SND1: variants seen among roughly 807,000 people sequenced by gnomAD.
SND1 encodes the protein staphylococcal nuclease domain-containing protein 1.
In SND1, 38 loss-of-function variants were observed where a neutral mutation model predicts 121.7. The ratio of observed to expected loss-of-function variants is 0.31; its 90% confidence interval spans 0.24 to 0.41. SND1 has a LOEUF of 0.41. Ranked by LOEUF, SND1 falls within the 10% of genes least tolerant of loss-of-function variation. The probability of loss-of-function intolerance (pLI) is 1.00; values close to 1 mark genes in which losing one functional copy is unlikely to be tolerated. For missense variants in SND1, 868 were observed against 1,184.6 expected (o/e 0.73, Z 3.92); for synonymous variants, 401 against 447.4 (o/e 0.90, Z 1.31).
chr7:127,852,268 G>A (rs578226950), intron 12 of SND1, among the ~76,000 whole-genome samples: 3 of 152,044 alleles, frequency 2.0e-5, no homozygotes, highest in African/African-American at 7.2e-5. Flanking sequence ...GCTGAGGCAG[G>A]CAGATCATTT....
intron 16 of SND1, among the ~76,000 whole-genome samples, chr7:128,068,905 G>A (rs1365718558): frequency 6.6e-6 from 1 of 152,240 alleles, no homozygotes; most frequent in Admixed American, 6.5e-5. Context: ...ATATTAATGT[G>A]CTTGGGAGCA....
chr7:127,833,280 T>TA (rs59376761), intron 11 of SND1, among the ~76,000 whole-genome samples: 1 of 149,054 alleles, frequency 6.7e-6, no homozygotes, highest in Non-Finnish European at 1.5e-5. Context: ...TTTTTTTTTT[T>TA]AATGAGATGG....
intron 9 of SND1, among the ~76,000 whole-genome samples, chr7:127,709,557 G>C (rs2116359900): frequency 6.6e-6 from 1 of 152,300 alleles, no homozygotes; most frequent in East Asian, 1.9e-4. Context: ...AGATTATTGA[G>C]CTTTGCATTT....
intron 14 of SND1, among the ~76,000 whole-genome samples, chr7:127,921,936 A>G (rs1800715225): frequency 6.6e-6 from 1 of 152,026 alleles, no homozygotes; most frequent in African/African-American, 2.4e-5. Context: ...GTTATTTCCA[A>G]TTTTAGTGAT....
chr7:127,978,994 T>TG (rs2116898139), intron 15 of SND1, among the ~76,000 whole-genome samples: 1 of 151,522 alleles, frequency 6.6e-6, no homozygotes, highest in African/African-American at 2.4e-5. Context: ...GCCGCCTGTA[T>TG]TTTTTTTTAA....
At chr7:127,860,968 TA>T (rs1326308382) in intron 12 of SND1, among the ~76,000 whole-genome samples, 2 of 152,348 alleles carry the variant, frequency 1.3e-5, no homozygotes, top group East Asian at 3.9e-4. Context: ...ATGAAATTAA[TA>T]ATGTGTATTT....
intron 16 of SND1, among the ~76,000 whole-genome samples, chr7:128,069,678 C>T (rs903120261): frequency 6.6e-6 from 1 of 152,214 alleles, no homozygotes; most frequent in African/African-American, 2.4e-5. Context: ...CATTTATGTG[C>T]TAAGCACTTT....
intron 11 of SND1, among the ~76,000 whole-genome samples, chr7:127,826,678 C>T (rs751552912): frequency 3.3e-5 from 5 of 152,076 alleles, no homozygotes; most frequent in Non-Finnish European, 7.4e-5. Flanking sequence ...ATCTTAAATA[C>T]CATTTAGCCT....
At chr7:128,074,887 G>A (rs1353908259) in intron 17 of SND1, among the ~76,000 whole-genome samples, 197 bp downstream of exon 17, 1 of 152,202 alleles carries the variant, frequency 6.6e-6, no homozygotes, top group Non-Finnish European at 1.5e-5. Flanking sequence ...GCCACAGCCT[G>A]TTGCAGACCT....
At chr7:127,679,664 A>G (rs1053962377) in intron 1 of SND1, among the ~76,000 whole-genome samples, 3 of 152,184 alleles carry the variant, frequency 2.0e-5, no homozygotes, top group African/African-American at 7.2e-5. Flanking sequence ...TGCACATTTC[A>G]TATAATGGGA....
chr7:128,033,084 G>A (rs1416161003), intron 16 of SND1, among the ~76,000 whole-genome samples: 1 of 152,204 alleles, frequency 6.6e-6, no homozygotes, highest in Admixed American at 6.5e-5. Context: ...AAGGGAGGCG[G>A]GCGGCTGAGC....
chr7:127,823,138 A>G lies in SND1; in HGVS notation c.1242+15565A>G, dbSNP rs1002712203. 5.7e-4 allele frequency among the ~76,000 whole-genome samples: 87 copies of G among 152,336 alleles called. 1 individual carries two copies. The highest frequency in any genetic ancestry group is 1.8e-3 in the African/African-American group (76 of 41,578). ...GAGTGAGAGACAGAAGGGGATGAGC[A>G]AAGTGAGCAGTGTGGTTGGGGGAGA... On this transcript the variant is annotated intron_variant, in intron 11 of 23. Coordinates refer to ENST00000354725, the MANE Select transcript of SND1 (RefSeq NM_014390.4).
intron 11 of SND1, among the ~76,000 whole-genome samples, chr7:127,832,973 G>A (rs750745579): frequency 1.5e-4 from 23 of 152,142 alleles, no homozygotes; most frequent in Non-Finnish European, 2.6e-4. Flanking sequence ...GTTTCATCCC[G>A]AAATCATCCT....
intron 15 of SND1, among the ~76,000 whole-genome samples, chr7:127,989,062 C>T (rs1196572608): frequency 6.6e-6 from 1 of 152,222 alleles, no homozygotes; most frequent in Admixed American, 6.5e-5. Context: ...CCATTTTTCT[C>T]TAGCCTCATC....
At chr7:127,705,021 T>TCA in intron 8 of SND1, 76 bp downstream of exon 8, 2 of 1,193,440 alleles carry the variant, frequency 1.7e-6, no homozygotes, top group Non-Finnish European at 2.5e-6. Context: ...GGTGATTTGC[T>TCA]CACACCCCTG....
At chr7:127,904,567 AT>A (rs1265369742) in intron 13 of SND1, 179 bp from the exon 14 acceptor site, 4 of 451,694 alleles carry the variant, frequency 8.9e-6, no homozygotes, top group Non-Finnish European at 1.6e-5. Flanking sequence ...GAGCAGCTTT[AT>A]AATCCCCCCT....
intron 13 of SND1, among the ~76,000 whole-genome samples, chr7:127,897,387 T>C (rs529584904): frequency 2.0e-5 from 3 of 152,308 alleles, no homozygotes; most frequent in African/African-American, 7.2e-5. Flanking sequence ...GATGTGTTTG[T>C]GTTATGTAAC....
intron 16 of SND1, among the ~76,000 whole-genome samples, chr7:127,995,633 G>A (rs188119378): frequency 3.0e-3 from 451 of 152,182 alleles, no homozygotes; most frequent in Non-Finnish European, 5.3e-3. Flanking sequence ...TCCTTTTTGC[G>A]GCCCTTGTTC....
rs147268332 is a variant in SND1, at chr7:127,871,802, C to T, written c.1344-16100C>T. Among the ~76,000 whole-genome samples, 459 of 152,220 alleles carry T rather than the reference C, an allele frequency of 3.0e-3. 1 individual carries two copies. Among genetic ancestry groups the T allele is most frequent in the Non-Finnish European group, 5.4e-3 (368 of 67,996 alleles). Reference sequence around the variant, plus strand: ...AGTGTGAATCTACATTGAACATGCACTACGTGACTATTAATAAGTAGATCC... The same window carrying T: ...AGTGTGAATCTACATTGAACATGCATTACGTGACTATTAATAAGTAGATCC... On this transcript the variant is annotated intron_variant, in intron 12 of 23. Transcript: ENST00000354725.
Sources: gnomAD v4.1 joint callset for allele counts (sites outside exome capture counted in the v4.1 genomes callset) on GRCh38, gnomAD v4.1.1 for gene constraint, MANE v1.5 for transcripts, NCBI Gene and HGNC (gene_info 2026-07-23, HGNC 2026-07-21) for gene names.